The following TRIM33 variants were observed in gnomAD, a reference collection of about 807,000 sequenced individuals.
TRIM33 encodes E3 ubiquitin-protein ligase TRIM33.
TRIM33 carries 20 observed loss-of-function variants against 125.4 expected under a neutral mutation model. The ratio of observed to expected loss-of-function variants is 0.16; its 90% CI spans 0.11 to 0.23. TRIM33 has a LOEUF of 0.23. Ranked by LOEUF, TRIM33 falls within the 10% of genes least tolerant of loss-of-function variation. TRIM33 has a pLI of 1.00. For missense variants in TRIM33, 920 were observed against 1,411.4 expected, an observed-to-expected ratio of 0.65 and a Z score of 5.58; for synonymous variants, 564 against 513.9, an observed-to-expected ratio of 1.10 and a Z score of -1.32.
At chr1:114,475,823 C>T (rs1376362663) in intron 1 of TRIM33, among the ~76,000 whole-genome samples, 1 of 152,054 alleles carries the variant, frequency 6.6e-6, no homozygotes, top group Non-Finnish European at 1.5e-5. Context: ...GGCAACAAAG[C>T]AAGACCCCAT....
At chr1:114,427,955 T>G in intron 6 of TRIM33, 61 bp from the exon 7 acceptor site, 1 of 1,580,386 alleles carries the variant, frequency 6.3e-7, no homozygotes, top group Non-Finnish European at 8.7e-7. Context: ...ACCCCACATT[T>G]CTAATGCAAA....
intron 4 of TRIM33, among the ~76,000 whole-genome samples, chr1:114,436,482 T>C (rs895114994): frequency 2.6e-5 from 4 of 152,096 alleles, no homozygotes; most frequent in East Asian, 3.9e-4. Flanking sequence ...TTGTTTGTTT[T>C]TGAGACGGAG....
chr1:114,481,639 ATG>A (rs535478935), intron 1 of TRIM33, among the ~76,000 whole-genome samples: 1,731 of 142,338 alleles, frequency 0.012, 11 homozygotes, highest in Admixed American at 0.016. Context: ...CTATATATAT[ATG>A]TGTGTGTGTG....
Position 114,463,118 on chromosome 1 carries a change from T to C in TRIM33, c.909A>G (p.Glu303=), listed in dbSNP as rs193292275. 24 of 1,601,546 alleles carry C rather than the reference T, an allele frequency of 1.5e-5. No homozygotes were observed. The African/African-American group carries it at 3.1e-4, about 21-fold the overall frequency. The part of the protein sequence containing the change: ...RLTCRDCQLL[E]HKEHRYQFLE... The stretch of plus-strand genomic sequence containing the variant: ...GATTTCTGTACCTATGTTCTTTGTG[T>C]TCCAATAGCTGACAGTCTCTACATG... The change falls in exon 4 of 20, where the codon GAA becomes GAG. Residue 303 remains glutamate (E), a synonymous_variant. Transcript: ENST00000358465.
intron 7 of TRIM33, among the ~76,000 whole-genome samples, chr1:114,427,501 G>A (rs1289431894): frequency 1.3e-5 from 2 of 152,034 alleles, no homozygotes; most frequent in Non-Finnish European, 1.5e-5. Flanking sequence ...AAGATACTAG[G>A]TATCTTCAAA....
At chr1:114,448,027 A>C (rs1418149694) in intron 4 of TRIM33, among the ~76,000 whole-genome samples, 1 of 152,190 alleles carries the variant, frequency 6.6e-6, no homozygotes, top group Non-Finnish European at 1.5e-5. Context: ...CAAGGAAAGG[A>C]AGTTAAAGAG....
intron 4 of TRIM33, among the ~76,000 whole-genome samples, chr1:114,436,377 G>A (rs1396811759): frequency 1.5e-5 from 2 of 137,806 alleles, no homozygotes; most frequent in Non-Finnish European, 3.1e-5. Context: ...ACTCCAGCCT[G>A]GTGACAGAGT....
intron 1 of TRIM33, among the ~76,000 whole-genome samples, chr1:114,488,736 C>T (rs906035901): frequency 2.0e-5 from 3 of 152,132 alleles, no homozygotes; most frequent in African/African-American, 7.2e-5. Context: ...GCACTCCAAC[C>T]TGGGCAACAG....
At chr1:114,473,747 A>G (rs1650800894) in intron 1 of TRIM33, among the ~76,000 whole-genome samples, 1 of 152,200 alleles carries the variant, frequency 6.6e-6, no homozygotes, top group South Asian at 2.1e-4. Context: ...GGAGGAACCA[A>G]TGAACAACAA....
At chr1:114,427,695 T>C (rs1647679653) in intron 7 of TRIM33, 53 bp downstream of exon 7, 1 of 1,561,206 alleles carries the variant, frequency 6.4e-7, no homozygotes, top group Admixed American at 1.8e-5. Context: ...ATTCACTGAA[T>C]ATATATCTTA....
chr1:114,460,573 CTTTTTTTT>C (rs35612978), intron 4 of TRIM33, among the ~76,000 whole-genome samples: 23 of 64,474 alleles, frequency 3.6e-4, no homozygotes, highest in African/African-American at 1.2e-3. Flanking sequence ...CCCCCGCCAC[CTTTTTTTT>C]TTTTTTTTTT....
At chr1:114,403,457 G>A (rs573833821) in intron 15 of TRIM33, among the ~76,000 whole-genome samples, 13 of 152,164 alleles carry the variant, frequency 8.5e-5, no homozygotes, top group South Asian at 2.1e-4. Flanking sequence ...TGCAACCTCC[G>A]CCTCTCGGGT....
intron 19 of TRIM33, 34 bp from the exon 20 acceptor site, chr1:114,397,894 G>A: frequency 6.2e-7 from 1 of 1,613,142 alleles, no homozygotes; most frequent in Non-Finnish European, 8.5e-7. Context: ...TCACCTATTG[G>A]TAATGCATAT....
chr1:114,487,694 G>A (rs1195057731), intron 1 of TRIM33, among the ~76,000 whole-genome samples: 4 of 150,318 alleles, frequency 2.7e-5, no homozygotes, highest in Non-Finnish European at 5.9e-5. Flanking sequence ...TCAGGAGATC[G>A]AGACCATCCT....
intron 4 of TRIM33, among the ~76,000 whole-genome samples, chr1:114,451,910 T>C (rs1649337769): frequency 6.6e-6 from 1 of 152,188 alleles, no homozygotes; most frequent in African/African-American, 2.4e-5. Context: ...AACACAGTTT[T>C]AGACTGTATA....
intron 4 of TRIM33, among the ~76,000 whole-genome samples, chr1:114,437,339 G>C (rs1232409407): frequency 6.6e-6 from 1 of 152,050 alleles, no homozygotes; most frequent in Non-Finnish European, 1.5e-5. Context: ...TTTTAAAGTA[G>C]TATTTATTTA....
intron 1 of TRIM33, among the ~76,000 whole-genome samples, chr1:114,464,872 G>A (rs1650194769): frequency 6.6e-6 from 1 of 152,204 alleles, no homozygotes; most frequent in East Asian, 1.9e-4. Flanking sequence ...TATAGATGAA[G>A]GAAGAAGCCG....
chr1:114,396,585 T>C lies in TRIM33; in HGVS notation c.*1063A>G. 1 of 199,484 alleles carries C rather than the reference T, an allele frequency of 5.0e-6. No homozygotes were observed. The highest frequency in any genetic ancestry group is 1.0e-5 in the Non-Finnish European group (1 of 96,184). The allele number at this position is 199,484 out of a possible 1,614,324, so 12.4% of individuals were successfully genotyped here. On this transcript the variant is annotated 3_prime_UTR_variant, in exon 20 of 20. Coordinates refer to ENST00000358465, the MANE Select transcript of TRIM33 (RefSeq NM_015906.4). ...GCATATATTACAAATCCATTCTTGA[T>C]AGGAACATTAGTAAGAATACACATT...
chr1:114,406,376 A>G (rs531044921), intron 14 of TRIM33, among the ~76,000 whole-genome samples: 1 of 152,344 alleles, frequency 6.6e-6, no homozygotes, highest in East Asian at 1.9e-4. Flanking sequence ...AAGGAAAAAG[A>G]AGCCCGGTCA....
Sources: gnomAD v4.1 joint callset for allele counts (sites outside exome capture counted in the v4.1 genomes callset) on GRCh38, gnomAD v4.1.1 for gene constraint, MANE v1.5 for transcripts, NCBI Gene and HGNC (gene_info 2026-07-23, HGNC 2026-07-21) for gene names.